CNTN5: variants seen among roughly 807,000 people sequenced by gnomAD.
The protein encoded by CNTN5 is contactin 5.
Under a neutral mutation model 129.1 loss-of-function variants are expected in CNTN5, and 77 were observed. The ratio of observed to expected loss-of-function variants is 0.60; its 90% CI spans 0.50 to 0.72. The LOEUF (loss-of-function observed/expected upper bound fraction) is 0.72, where lower values mean the gene tolerates loss of function less well. Among genes scored for constraint, CNTN5 ranks in the 30% least tolerant of loss-of-function variants. The pLI, the probability that CNTN5 is intolerant of heterozygous loss-of-function variation, is 0.00. For synonymous variants in CNTN5, 509 were observed against 465.6 expected, an observed-to-expected ratio of 1.09 and a Z score of -1.20; for missense variants, 1,478 against 1,328.8, an observed-to-expected ratio of 1.11 and a Z score of -1.75.
chr11:99,798,068 T>A (rs1468533072), intron 3 of CNTN5, among the ~76,000 whole-genome samples: 1 of 152,116 alleles, frequency 6.6e-6, no homozygotes, highest in African/African-American at 2.4e-5. Flanking sequence ...TGTATTAAGC[T>A]TAGTACACAT....
chr11:99,679,433 C>A (rs1026915991), intron 3 of CNTN5, among the ~76,000 whole-genome samples: 2 of 152,036 alleles, frequency 1.3e-5, no homozygotes, highest in African/African-American at 4.8e-5. Context: ...TTTGGTAATT[C>A]TCACAATATT....
chr11:99,091,351 A>G (rs907854359), intron 1 of CNTN5, among the ~76,000 whole-genome samples: 1 of 152,168 alleles, frequency 6.6e-6, no homozygotes, highest in African/African-American at 2.4e-5. Flanking sequence ...AAAACAGAAC[A>G]AATGTGAAAT....
intron 6 of CNTN5, among the ~76,000 whole-genome samples, chr11:99,887,642 A>G (rs2135887653): frequency 6.6e-6 from 1 of 152,340 alleles, no homozygotes; most frequent in South Asian, 2.1e-4. Context: ...CTGACAGTGC[A>G]GCCTTTAGTC....
intron 2 of CNTN5, among the ~76,000 whole-genome samples, chr11:99,503,878 A>C (rs527631354): frequency 6.6e-6 from 1 of 152,330 alleles, no homozygotes; most frequent in Non-Finnish European, 1.5e-5. Context: ...ATTATTCAAT[A>C]AATATGAACC....
chr11:100,145,218 G>A (rs77831357), intron 13 of CNTN5, among the ~76,000 whole-genome samples: 14,338 of 152,122 alleles, frequency 0.094, 850 homozygotes, highest in Non-Finnish European at 0.13. Flanking sequence ...AAATCACTTA[G>A]CACATAAAAT....
chr11:99,081,156 C>G (rs948374741), intron 1 of CNTN5, among the ~76,000 whole-genome samples: 2 of 152,004 alleles, frequency 1.3e-5, no homozygotes, highest in African/African-American at 4.8e-5. Flanking sequence ...TTGTACATTG[C>G]TTTTTCAATT....
At chr11:99,185,705 G>T (rs925374592) in intron 1 of CNTN5, among the ~76,000 whole-genome samples, 1 of 151,578 alleles carries the variant, frequency 6.6e-6, no homozygotes, top group African/African-American at 2.4e-5. Flanking sequence ...TTTAAATTTT[G>T]TACTTAGTTG....
In CNTN5 at chr11:99,168,647, C is replaced by T. The variant is rs78204508; in HGVS notation, c.-210+147377C>T. On this transcript the variant is annotated intron_variant, in intron 1 of 24. Transcript: ENST00000524871. ...TTATGGCTAGAAATTCTGAATATAT[C>T]GTAACTACCTTTGATAAGACAAACA... Among the ~76,000 whole-genome samples, 372 of 151,850 alleles carry T rather than the reference C, an allele frequency of 2.4e-3. 4 individuals carry two copies. Among genetic ancestry groups the T allele is most frequent in the African/African-American group, 8.4e-3 (350 of 41,422 alleles).
intron 15 of CNTN5, among the ~76,000 whole-genome samples, chr11:100,216,096 A>G (rs74554517): frequency 0.013 from 1,923 of 152,250 alleles, 42 homozygotes; most frequent in African/African-American, 0.043. Context: ...GTCTACTACA[A>G]TCCCAAGATT....
chr11:99,034,033 G>T (rs1863555624), intron 1 of CNTN5, among the ~76,000 whole-genome samples: 1 of 151,976 alleles, frequency 6.6e-6, no homozygotes, highest in Non-Finnish European at 1.5e-5. Context: ...TAATCATGTG[G>T]TTTTTGTCTT....
intron 7 of CNTN5, among the ~76,000 whole-genome samples, chr11:99,949,119 C>G (rs1950616361): frequency 6.6e-6 from 1 of 152,186 alleles, no homozygotes; most frequent in Non-Finnish European, 1.5e-5. Flanking sequence ...CCTCATCTTA[C>G]CTCGCTTCTC....
intron 3 of CNTN5, among the ~76,000 whole-genome samples, chr11:99,819,333 C>CCCTCTCCTCCCCTCT (rs1946704997): frequency 1.7e-5 from 1 of 58,966 alleles, no homozygotes; most frequent in African/African-American, 6.5e-5. Flanking sequence ...CCCTCCCCTC[C>CCCTCTCCTCCCCTCT]CCTCCTTTCC....
chr11:99,040,987 C>G (rs1863963887), intron 1 of CNTN5, among the ~76,000 whole-genome samples: 1 of 152,092 alleles, frequency 6.6e-6, no homozygotes, highest in African/African-American at 2.4e-5. Context: ...TTAGGAGGAA[C>G]TAAACCAAAT....
rs1215942169 is a variant in CNTN5, at chr11:99,690,714, G to C, written c.56-128830G>C. Among the ~76,000 whole-genome samples, 7 of 152,136 alleles carry C rather than the reference G, an allele frequency of 4.6e-5. No homozygotes were observed. The East Asian group carries it at 1.4e-3, about 29-fold the overall frequency. On this transcript the variant is annotated intron_variant, in intron 3 of 24. Transcript: ENST00000524871. ...ACATCCCTCGTTAGCTGTATTCATA[G>C]GTATTTTATTCTTTTATGTCTCTGC...
At chr11:99,882,924 A>G (rs1368343377) in intron 6 of CNTN5, among the ~76,000 whole-genome samples, 2 of 151,934 alleles carry the variant, frequency 1.3e-5, no homozygotes, top group Non-Finnish European at 1.5e-5. Context: ...CATGATTTCA[A>G]TTGTTTTGAG....
At chr11:100,351,865 C>T (rs1404043479) in intron 24 of CNTN5, among the ~76,000 whole-genome samples, 1 of 151,014 alleles carries the variant, frequency 6.6e-6, no homozygotes, top group Non-Finnish European at 1.5e-5. Context: ...TGTTATTTAA[C>T]GTATTTATCA....
chr11:100,263,898 T>C (rs1950251401), intron 17 of CNTN5, among the ~76,000 whole-genome samples: 1 of 152,116 alleles, frequency 6.6e-6, no homozygotes, highest in African/African-American at 2.4e-5. Context: ...GTTTTCCTTG[T>C]GGATACATTG....
At chr11:99,897,653 A>G (rs1296290494) in intron 6 of CNTN5, among the ~76,000 whole-genome samples, 1 of 152,202 alleles carries the variant, frequency 6.6e-6, no homozygotes, top group Non-Finnish European at 1.5e-5. Context: ...GGAATTCTAA[A>G]TGTGGAAACT....
intron 9 of CNTN5, among the ~76,000 whole-genome samples, chr11:100,049,074 A>G (rs184399112): frequency 3.3e-5 from 5 of 152,294 alleles, no homozygotes; most frequent in African/African-American, 1.2e-4. Flanking sequence ...AAGGAAAATT[A>G]TTTAGATTGC....
Sources: gnomAD v4.1 joint callset for allele counts (sites outside exome capture counted in the v4.1 genomes callset) on GRCh38, gnomAD v4.1.1 for gene constraint, MANE v1.5 for transcripts, NCBI Gene and HGNC (gene_info 2026-07-23, HGNC 2026-07-21) for gene names.